Variants in MEI4 observed in about 807,000 individuals in gnomAD.
MEI4 encodes the protein meiosis-specific protein MEI4.
In MEI4, 27 loss-of-function variants were observed where a neutral mutation model predicts 31.4. That is an observed-to-expected ratio of 0.86 (90% CI 0.63 to 1.19). The LOEUF (loss-of-function observed/expected upper bound fraction) is 1.19, where lower values mean the gene tolerates loss of function less well. Ranked by LOEUF, MEI4 falls within the 50% of genes most tolerant of loss-of-function variation. The pLI is 0.00. For missense variants in MEI4, 329 were observed against 398.9 expected (o/e 0.82, Z 1.49); for synonymous variants, 122 against 145.4 (o/e 0.84, Z 1.16).
chr6:77,834,039 T>C (rs1446988070), intron 4 of MEI4, among the ~76,000 whole-genome samples: 4 of 152,132 alleles, frequency 2.6e-5, no homozygotes, highest in Non-Finnish European at 5.9e-5. Context: ...TGATGGGCAC[T>C]TGGGTGGATG....
At chr6:77,749,402 G>C (rs898651359) in intron 2 of MEI4, among the ~76,000 whole-genome samples, 1 of 152,090 alleles carries the variant, frequency 6.6e-6, no homozygotes, top group Non-Finnish European at 1.5e-5. Context: ...TACTAGAACA[G>C]CAAGTTTAGA....
intron 2 of MEI4, among the ~76,000 whole-genome samples, chr6:77,747,849 C>G (rs1767656305): frequency 6.6e-6 from 1 of 152,196 alleles, no homozygotes; most frequent in South Asian, 2.1e-4. Flanking sequence ...TCAAAAGCTG[C>G]TTAGTTACTT....
At chr6:77,818,751 G>A (rs1460844710) in intron 3 of MEI4, among the ~76,000 whole-genome samples, 3 of 152,122 alleles carry the variant, frequency 2.0e-5, no homozygotes, top group Non-Finnish European at 4.4e-5. Context: ...AATAGTGACA[G>A]GGTCTTGCTC....
At chr6:77,892,841 T>A (rs922334968) in intron 4 of MEI4, among the ~76,000 whole-genome samples, 2 of 151,950 alleles carry the variant, frequency 1.3e-5, no homozygotes, top group Non-Finnish European at 2.9e-5. Context: ...GGCTGGACTC[T>A]CCAAATGGCT....
Position 77,923,398 on chromosome 6 carries a change from T to C in MEI4, c.*52T>C. 1 of 1,199,218 alleles carries C rather than the reference T, an allele frequency of 8.3e-7. No individual in the cohort carries two copies. Among genetic ancestry groups the C allele is most frequent in the African/African-American group, 1.6e-5 (1 of 63,634 alleles). The allele number at this position is 1,199,218 out of a possible 1,614,324, so 74.3% of individuals were successfully genotyped here. Reference sequence around the variant, plus strand: ...TTGAAGCATAATAAAGTAGAATATATGAAAATCTCATACTGAAAAGATTTT... The same window carrying C: ...TTGAAGCATAATAAAGTAGAATATACGAAAATCTCATACTGAAAAGATTTT... On this transcript the variant is annotated 3_prime_UTR_variant, in exon 5 of 5. Transcript: ENST00000684080.
intron 3 of MEI4, among the ~76,000 whole-genome samples, chr6:77,795,455 C>A (rs1173008539): frequency 6.6e-6 from 1 of 152,130 alleles, no homozygotes; most frequent in Non-Finnish European, 1.5e-5. Context: ...ATCACACACA[C>A]ACGTACACAC....
At chr6:77,816,649 T>C (rs1453588082) in intron 3 of MEI4, among the ~76,000 whole-genome samples, 1 of 152,174 alleles carries the variant, frequency 6.6e-6, no homozygotes, top group African/African-American at 2.4e-5. Context: ...CCTTTGGGTA[T>C]ATACCCAGTA....
intron 3 of MEI4, among the ~76,000 whole-genome samples, chr6:77,796,170 A>G (rs761873377): frequency 3.3e-5 from 5 of 152,204 alleles, no homozygotes; most frequent in African/African-American, 4.8e-5. Flanking sequence ...AGAAAATTCA[A>G]TATCCTGTTA....
chr6:77,802,122 T>C (rs918231035), intron 3 of MEI4, among the ~76,000 whole-genome samples: 1 of 152,178 alleles, frequency 6.6e-6, no homozygotes, highest in Non-Finnish European at 1.5e-5. Flanking sequence ...TTTGTAGGTC[T>C]CTAAGGATGT....
At chr6:77,658,678 A>G (rs1341671208) in intron 1 of MEI4, among the ~76,000 whole-genome samples, 1 of 152,096 alleles carries the variant, frequency 6.6e-6, no homozygotes, top group Middle Eastern at 3.2e-3. Context: ...TAGAAGAAAC[A>G]TTTGTTGTAT....
At chr6:77,841,333 A>ATATATATATATTTTTTTTTTTTT in intron 4 of MEI4, among the ~76,000 whole-genome samples, 1 of 27,748 alleles carries the variant, frequency 3.6e-5, no homozygotes, top group African/African-American at 3.3e-4. Flanking sequence ...ATATATATAT[A>ATATATATATATTTTTTTTTTTTT]TTTTTTTTTT....
intron 3 of MEI4, among the ~76,000 whole-genome samples, chr6:77,798,496 T>C (rs1418268462): frequency 1.3e-5 from 2 of 151,872 alleles, no homozygotes; most frequent in Non-Finnish European, 2.9e-5. Context: ...TATTTTTTCT[T>C]TTATTATTAT....
At chr6:77,919,668 T>C (rs947685033) in intron 4 of MEI4, among the ~76,000 whole-genome samples, 18 of 144,750 alleles carry the variant, frequency 1.2e-4, no homozygotes, top group African/African-American at 4.3e-4. Context: ...CTGAAGGAAA[T>C]AGAGACACAA....
chr6:77,695,429 TTA>T (rs1766001562), intron 2 of MEI4, among the ~76,000 whole-genome samples: 1 of 152,222 alleles, frequency 6.6e-6, no homozygotes, highest in Non-Finnish European at 1.5e-5. Flanking sequence ...CCATCTTGAA[TTA>T]ATTCTTGTAT....
chr6:77,694,315 G>T (rs917369256), intron 2 of MEI4, among the ~76,000 whole-genome samples: 1 of 151,874 alleles, frequency 6.6e-6, no homozygotes, highest in South Asian at 2.1e-4. Context: ...ACAATGTGCA[G>T]GTTAGTTACA....
chr6:77,835,556 C>T (rs1770200610), intron 4 of MEI4, among the ~76,000 whole-genome samples: 1 of 151,940 alleles, frequency 6.6e-6, no homozygotes, highest in Non-Finnish European at 1.5e-5. Context: ...ATGTTTCATA[C>T]TGATTATATT....
At chr6:77,767,685 G>A (rs1223329074) in intron 3 of MEI4, among the ~76,000 whole-genome samples, 1 of 131,994 alleles carries the variant, frequency 7.6e-6, no homozygotes, top group African/African-American at 3.1e-5. Context: ...CCACAGAGCA[G>A]GAAACTGTCA....
At chr6:77,666,484 G>A (rs1198675027) in intron 1 of MEI4, among the ~76,000 whole-genome samples, 1 of 152,142 alleles carries the variant, frequency 6.6e-6, no homozygotes, top group African/African-American at 2.4e-5. Flanking sequence ...TGTTTACAGT[G>A]TGATTGATAA....
chr6:77,662,508 G>C (rs932727741), intron 1 of MEI4, among the ~76,000 whole-genome samples: 8 of 152,208 alleles, frequency 5.3e-5, no homozygotes, highest in Non-Finnish European at 8.8e-5. Context: ...AGGAGCCGGG[G>C]AGCAGAAAGT....
Sources: gnomAD v4.1 joint callset for allele counts (sites outside exome capture counted in the v4.1 genomes callset) on GRCh38, gnomAD v4.1.1 for gene constraint, MANE v1.5 for transcripts, NCBI Gene and HGNC (gene_info 2026-07-23, HGNC 2026-07-21) for gene names.